The following IMPG2 variants were observed in gnomAD, a reference collection of about 807,000 sequenced individuals.
IMPG2 encodes the protein IPM 200.
A neutral mutation model predicts 129.2 loss-of-function variants in IMPG2; 91 were observed. The observed-to-expected ratio is 0.70, with a 90% CI of 0.59 to 0.84. The LOEUF (loss-of-function observed/expected upper bound fraction) is 0.84. Ranked by LOEUF, IMPG2 falls within the 40% of genes least tolerant of loss-of-function variation. The probability of loss-of-function intolerance (pLI) is 0.00; values close to 1 mark genes in which losing one functional copy is unlikely to be tolerated. For synonymous variants in IMPG2, 510 were observed against 517.7 expected (o/e 0.99, Z 0.20); for missense variants, 1,430 against 1,461.7 (o/e 0.98, Z 0.35).
At chr3:101,302,025 G>A (rs541288435) in intron 3 of IMPG2, among the ~76,000 whole-genome samples, 14 of 152,054 alleles carry the variant, frequency 9.2e-5, no homozygotes, top group Non-Finnish European at 1.9e-4. Context: ...TACCTCTTTG[G>A]TATATTGACC....
At chr3:101,242,649 G>T (rs555815083) in intron 14 of IMPG2, 39 bp downstream of exon 14, 8 of 1,403,988 alleles carry the variant, frequency 5.7e-6, no homozygotes, top group Non-Finnish European at 7.1e-6. Flanking sequence ...ATAATCACTG[G>T]ATTCTACTAA....
intron 3 of IMPG2, among the ~76,000 whole-genome samples, chr3:101,299,270 T>G (rs1005038611): frequency 6.6e-6 from 1 of 152,220 alleles, no homozygotes; most frequent in African/African-American, 2.4e-5. Flanking sequence ...CTCAACTTGT[T>G]ATTCTAGTTA....
In IMPG2 at chr3:101,245,127, A is replaced by C. The variant is rs115886433; in HGVS notation, c.1544-340T>G. On this transcript the variant is annotated intron_variant, in intron 12 of 18. Coordinates refer to ENST00000193391, the MANE Select transcript of IMPG2 (RefSeq NM_016247.4). ...AAATCCAGCAGTAATTTAGGAAGAA[A>C]ATTCCCTGAACATTGTGTTTCTCTT... Among the ~76,000 whole-genome samples, 777 of 152,242 alleles carry C rather than the reference A, an allele frequency of 5.1e-3. 6 individuals carry two copies. Among genetic ancestry groups the C allele is most frequent in the African/African-American group, 0.018 (755 of 41,558 alleles).
At chr3:101,263,587 T>C (rs1706691969) in intron 9 of IMPG2, among the ~76,000 whole-genome samples, 1 of 151,814 alleles carries the variant, frequency 6.6e-6, no homozygotes, top group African/African-American at 2.4e-5. Flanking sequence ...AATAAATGTC[T>C]ACATCAAACA....
At chr3:101,262,241 C>A (rs1706678328) in intron 9 of IMPG2, among the ~76,000 whole-genome samples, 1 of 151,782 alleles carries the variant, frequency 6.6e-6, no homozygotes, top group Admixed American at 6.6e-5. Flanking sequence ...ATTGGGTATA[C>A]CAGATGGATA....
At chr3:101,249,148 G>A (rs943925234) in intron 11 of IMPG2, among the ~76,000 whole-genome samples, 1 of 152,108 alleles carries the variant, frequency 6.6e-6, no homozygotes, top group Non-Finnish European at 1.5e-5. Context: ...GGATGGTAGT[G>A]GCAATTGCTT....
chr3:101,291,597 C>G lies in IMPG2; in HGVS notation c.502-87G>C, dbSNP rs1453626678. On this transcript the variant is annotated intron_variant, in intron 3 of 18. Transcript: ENST00000193391. ...ACTTATTTCATAGAGACCACTACTGCCCTACCATGGTAGAATCTATGTTAG... is the reference window on the plus strand; with the variant it reads ...ACTTATTTCATAGAGACCACTACTGGCCTACCATGGTAGAATCTATGTTAG... 3.3e-6 allele frequency: 3 copies of G among 901,536 alleles called. No individual in the cohort carries two copies. In the African/African-American group the frequency reaches 4.9e-5, roughly 15 times the overall value. The allele number at this position is 901,536 out of a possible 1,614,324, so 55.8% of individuals were successfully genotyped here. A position where few individuals can be genotyped will look rare whatever the true frequency, so the allele number is the denominator to read the frequency against.
At chr3:101,300,431 G>T (rs945698565) in intron 3 of IMPG2, among the ~76,000 whole-genome samples, 1 of 152,232 alleles carries the variant, frequency 6.6e-6, no homozygotes, top group Non-Finnish European at 1.5e-5. Context: ...TGCCCCTCCC[G>T]CGGGGAGCTC....
intron 12 of IMPG2, 110 bp from the exon 13 acceptor site, chr3:101,244,897 A>G: frequency 2.2e-6 from 2 of 917,686 alleles, no homozygotes; most frequent in Non-Finnish European, 1.7e-6. Context: ...AAGAGGGACA[A>G]TTGTTGACTT....
At chr3:101,309,142 A>G (rs968479186) in intron 2 of IMPG2, among the ~76,000 whole-genome samples, 15 of 152,174 alleles carry the variant, frequency 9.9e-5, no homozygotes, top group Admixed American at 3.3e-4. Context: ...ACATTCAACA[A>G]GTATCTAGGA....
At chr3:101,272,099 G>GCACA (rs10575719) in intron 7 of IMPG2, among the ~76,000 whole-genome samples, 10 of 149,102 alleles carry the variant, frequency 6.7e-5, no homozygotes, top group African/African-American at 2.2e-4. Context: ...TTTTACACAC[G>GCACA]CACACACACA....
intron 9 of IMPG2, among the ~76,000 whole-genome samples, chr3:101,264,897 T>C (rs1176573106): frequency 2.6e-5 from 4 of 151,770 alleles, no homozygotes; most frequent in Non-Finnish European, 5.9e-5. Flanking sequence ...GGCATTCCTA[T>C]ACACAAGTAA....
At chr3:101,282,079 A>G (rs1355495133) in intron 4 of IMPG2, among the ~76,000 whole-genome samples, 2 of 152,232 alleles carry the variant, frequency 1.3e-5, no homozygotes, top group Admixed American at 6.5e-5. Context: ...GAATACAAAA[A>G]TAATCTCAAA....
intron 4 of IMPG2, among the ~76,000 whole-genome samples, chr3:101,282,912 C>G (rs528024491): frequency 6.6e-6 from 1 of 152,178 alleles, no homozygotes; most frequent in South Asian, 2.1e-4. Context: ...TCCAATTTTA[C>G]GAACAAATGT....
intron 3 of IMPG2, among the ~76,000 whole-genome samples, chr3:101,297,153 C>A (rs1338218690): frequency 6.6e-6 from 1 of 152,154 alleles, no homozygotes; most frequent in Non-Finnish European, 1.5e-5. Context: ...CATGATCCGC[C>A]CACCTCAGCC....
intron 10 of IMPG2, among the ~76,000 whole-genome samples, chr3:101,256,185 G>GA (rs1234265903): frequency 6.9e-6 from 1 of 145,664 alleles, no homozygotes; most frequent in African/African-American, 2.5e-5. Flanking sequence ...AAGAAAGAAA[G>GA]AAAGAAAGAA....
intron 4 of IMPG2, among the ~76,000 whole-genome samples, chr3:101,283,293 G>A (rs1461745900): frequency 6.6e-6 from 1 of 152,028 alleles, no homozygotes; most frequent in Admixed American, 6.6e-5. Context: ...CCAAAGTGCT[G>A]GGATTACAGG....
chr3:101,303,542 G>C (rs1707159681), intron 3 of IMPG2, among the ~76,000 whole-genome samples: 1 of 152,148 alleles, frequency 6.6e-6, no homozygotes, highest in Admixed American at 6.5e-5. Flanking sequence ...CGTACGTCTG[G>C]ACAGTTTCAC....
intron 3 of IMPG2, among the ~76,000 whole-genome samples, chr3:101,296,467 A>G (rs1011785597): frequency 6.6e-6 from 1 of 152,186 alleles, no homozygotes; most frequent in African/African-American, 2.4e-5. Context: ...TGGGTTTGCC[A>G]GTATTTTATT....
Sources: allele counts gnomAD v4.1 joint callset (sites outside exome capture counted in the v4.1 genomes callset), GRCh38; gene constraint gnomAD v4.1.1; transcripts MANE v1.5; gene names NCBI Gene and HGNC (gene_info 2026-07-23, HGNC 2026-07-21).